Variants in KCNH4 observed in about 807,000 individuals in gnomAD.
KCNH4 encodes the protein voltage-gated delayed rectifier potassium channel KCNH4.
KCNH4 carries 33 observed loss-of-function variants against 90.7 expected under a neutral mutation model. The ratio of observed to expected loss-of-function variants is 0.36; its 90% confidence interval spans 0.28 to 0.49. KCNH4 has a LOEUF of 0.49. Among genes scored for constraint, KCNH4 ranks in the 20% least tolerant of loss-of-function variants. The pLI is 0.98. For synonymous variants in KCNH4, 551 were observed against 581.7 expected, an observed-to-expected ratio of 0.95 and a Z score of 0.76; for missense variants, 1,044 against 1,387.1, an observed-to-expected ratio of 0.75 and a Z score of 3.93.
Position 42,169,661 on chromosome 17 carries a change from ACAGCGTGCATCAGGGCTGCAGCAGCAG to A in KCNH4, c.1391-12_1405del, listed in dbSNP as rs1568035025. 1.2e-6 allele frequency: 2 copies of A among 1,613,786 alleles called. No individual in the cohort carries two copies. Among genetic ancestry groups the A allele is most frequent in the Non-Finnish European group, 1.7e-6 (2 of 1,179,952 alleles). ...GATGGCTGTCACGTTCCCGAACACCACAGCGTGCATCAGGGCTGCAGCAGCAGCAGCGGGCCTGTCAGGGGCGGCCAC... is the reference window on the plus strand; with the variant it reads ...GATGGCTGTCACGTTCCCGAACACCACAGCGGGCCTGTCAGGGGCGGCCAC... On this transcript the variant is annotated splice_acceptor_variant and splice_polypyrimidine_tract_variant and coding_sequence_variant and intron_variant, in exon 9 of 17. Coordinates refer to ENST00000264661, the MANE Select transcript of KCNH4 (RefSeq NM_012285.3). LOFTEE classifies it high-confidence loss of function.
intron 2 of KCNH4, 119 bp downstream of exon 2, chr17:42,178,674 C>A: frequency 2.7e-6 from 3 of 1,132,004 alleles, no homozygotes; most frequent in African/African-American, 1.5e-5. Flanking sequence ...GGGATACGCT[C>A]CGTCACAGTC....
At chr17:42,160,745 C>A (rs1170278392) in intron 15 of KCNH4, among the ~76,000 whole-genome samples, 1 of 152,178 alleles carries the variant, frequency 6.6e-6, no homozygotes, top group Non-Finnish European at 1.5e-5. Context: ...CTCAGCTGAT[C>A]CCATCACACA....
chr17:42,176,377 G>T, intron 4 of KCNH4, 80 bp from the exon 5 acceptor site: 1 of 1,372,818 alleles, frequency 7.3e-7, no homozygotes, highest in Non-Finnish European at 1.0e-6. Flanking sequence ...CAGGGGATGG[G>T]GAAAGTTAGC....
At position 42,180,491 on chromosome 17, in the gene KCNH4, G is replaced by A. The variant is rs1174731776; in HGVS notation, c.76+379C>T. On this transcript the variant is annotated intron_variant, in intron 1 of 16. Coordinates refer to ENST00000264661, the MANE Select transcript of KCNH4 (RefSeq NM_012285.3). This position sits in a 1 kb window ranked among gnomAD's most constrained non-coding sequence, Gnocchi z 4.7. ...TTTTCTGGAGGTAGTGGGAGCTGGA[G>A]TCTGTGAGTAGACCCCAGAATGCCC... Among the ~76,000 whole-genome samples, 3 of 152,062 alleles carry A rather than the reference G, an allele frequency of 2.0e-5. No individual in the cohort carries two copies. Among genetic ancestry groups the A allele is most frequent in the Non-Finnish European group, 4.4e-5 (3 of 68,018 alleles).
At chr17:42,165,266 T>C (rs1348419448) in intron 11 of KCNH4, among the ~76,000 whole-genome samples, 183 bp downstream of exon 11, 1 of 151,998 alleles carries the variant, frequency 6.6e-6, no homozygotes, top group Admixed American at 6.5e-5. Flanking sequence ...GCCTGGGTGA[T>C]GGCCAGTGTA....
intron 6 of KCNH4, among the ~76,000 whole-genome samples, chr17:42,175,371 A>G (rs539118297): frequency 2.0e-5 from 3 of 152,354 alleles, no homozygotes; most frequent in South Asian, 2.1e-4. Flanking sequence ...CTTCCCTCAA[A>G]GATTGTGAGC....
rs952713260 is a variant in KCNH4, at chr17:42,180,473, G to T, written c.76+397C>A. ...TCTGATCTTTTCTCCTTTTTTTCTG[G>T]AGGTAGTGGGAGCTGGAGTCTGTGA... On this transcript the variant is annotated intron_variant, in intron 1 of 16. Coordinates refer to ENST00000264661, the MANE Select transcript of KCNH4 (RefSeq NM_012285.3). The surrounding 1 kb of genome is among the most constrained non-coding windows in gnomAD (Gnocchi z 4.7). 4.6e-5 allele frequency among the ~76,000 whole-genome samples: 7 copies of T among 151,956 alleles called. No homozygotes were observed. The highest frequency in any genetic ancestry group is 1.7e-4 in the African/African-American group (7 of 41,364).
At position 42,162,299 on chromosome 17, in the gene KCNH4, C is replaced by T; in HGVS notation, c.2607G>A (p.Leu869=). ...PPTGTRPSPE[L]ASEAEEVKEK... The stretch of plus-strand genomic sequence containing the variant: ...CCTTCACCTCCTCAGCCTCACTGGC[C>T]AATTCTGGGCTGGGCCTGGTCCCTG... Residue 869 remains leucine, a synonymous_variant, in exon 15 of 17, where the codon TTG becomes TTA. Coordinates refer to ENST00000264661, the MANE Select transcript of KCNH4 (RefSeq NM_012285.3). 1 of 1,613,970 alleles carries T rather than the reference C, an allele frequency of 6.2e-7. No homozygotes were observed. Among genetic ancestry groups the T allele is most frequent in the Non-Finnish European group, 8.5e-7 (1 of 1,179,950 alleles).
chr17:42,170,082 T>C (rs931749851), intron 8 of KCNH4, 25 bp downstream of exon 8: 3 of 1,566,888 alleles, frequency 1.9e-6, no homozygotes, highest in African/African-American at 2.7e-5. Flanking sequence ...AGGGCCCCAC[T>C]GAGGCGTGGC....
Position 42,170,186 on chromosome 17 carries a change from G to A in KCNH4, c.1311C>T (p.Leu437=), listed in dbSNP as rs1298411010. ...ACACGTTGCCAAAGCCCACACTGGT[G>A]AGGCTGCTTAGAGTGAAGTACAGTG... ...IAALYFTLSS[L]TSVGFGNVCA... Residue 437 remains leucine, a synonymous_variant, in exon 8 of 17, where the codon CTC becomes CTT. Transcript: ENST00000264661. The A allele has an allele frequency of 2.5e-6, 4 of 1,613,676 alleles. No individual in the cohort carries two copies. In the South Asian group the frequency reaches 4.4e-5, roughly 18 times the overall value.
intron 11 of KCNH4, 104 bp from the exon 12 acceptor site, chr17:42,164,272 G>T: frequency 9.8e-7 from 1 of 1,016,622 alleles, no homozygotes; most frequent in Non-Finnish European, 1.4e-6. Flanking sequence ...AGAATGTGGA[G>T]TCTTTTGTGG....
intron 6 of KCNH4, among the ~76,000 whole-genome samples, chr17:42,173,852 C>T (rs904994620): frequency 6.6e-6 from 1 of 151,800 alleles, no homozygotes; most frequent in Admixed American, 6.6e-5. Context: ...AGGCACCTGC[C>T]ACCACGCCTG....
intron 6 of KCNH4, among the ~76,000 whole-genome samples, chr17:42,173,993 G>A (rs763596682): frequency 1.3e-5 from 2 of 151,322 alleles, no homozygotes; most frequent in Admixed American, 6.6e-5. Context: ...GATCCACTGC[G>A]CCCGGCCAAG....
At position 42,159,980 on chromosome 17, in the gene KCNH4, T is replaced by C; in HGVS notation, c.*60A>G. 1 of 1,357,242 alleles carries C rather than the reference T, an allele frequency of 7.4e-7. No individual in the cohort carries two copies. The highest frequency in any genetic ancestry group is 9.8e-7 in the Non-Finnish European group (1 of 1,025,428). The allele number at this position is 1,357,242 out of a possible 1,614,324, so 84.1% of individuals were successfully genotyped here. A position where few individuals can be genotyped will look rare whatever the true frequency, so the allele number is the denominator to read the frequency against. The stretch of plus-strand genomic sequence containing the variant: ...AAGGCAGGAAGCCAAGGGGCCCAGG[T>C]CCTCCCTGAGTGGTGAGCGGCAGCG... On this transcript the variant is annotated 3_prime_UTR_variant, in exon 16 of 17. Transcript: ENST00000264661.
intron 15 of KCNH4, among the ~76,000 whole-genome samples, chr17:42,161,037 C>T (rs749250946): frequency 5.4e-5 from 8 of 147,364 alleles, no homozygotes; most frequent in Non-Finnish European, 1.0e-4. Context: ...CGAGATTCTC[C>T]TGCCTCAGCC....
intron 10 of KCNH4, 37 bp downstream of exon 10, chr17:42,166,260 T>C (rs1345968748): frequency 1.3e-6 from 2 of 1,556,606 alleles, no homozygotes; most frequent in Admixed American, 3.8e-5. Flanking sequence ...CGGGGGGTGG[T>C]TCCAGGGTAG....
At chr17:42,172,205 C>CTTT (rs889295948) in intron 6 of KCNH4, among the ~76,000 whole-genome samples, 1 of 142,362 alleles carries the variant, frequency 7.0e-6, no homozygotes, top group Non-Finnish European at 1.6e-5. Context: ...TTTGTAATTA[C>CTTT]TTTTTTTTTT....
chr17:42,169,783 C>T, intron 8 of KCNH4, 107 bp from the exon 9 acceptor site: 1 of 1,154,154 alleles, frequency 8.7e-7, no homozygotes, highest in Non-Finnish European at 1.3e-6. Context: ...CTCCTGTGTG[C>T]CTACCAGGTG....
chr17:42,163,660 G>C lies in KCNH4; in HGVS notation c.2423C>G (p.Pro808Arg), dbSNP rs767985736. Reference sequence around the variant, plus strand: ...TCCCAGTGGGGGAATGAGAAGCTGAGGGGGCTTCCAGGCAGCAGAGCACCT... The same window carrying C: ...TCCCAGTGGGGGAATGAGAAGCTGACGGGGCTTCCAGGCAGCAGAGCACCT... ...PPRCSAAWKP[P>R]QLLIPPLGTF... The change falls in exon 13 of 17, where the codon CCT becomes CGT. Residue 808 changes from proline (P) to arginine (R), a missense_variant. Pro to Arg is a moderately radical substitution (Grantham distance 103). This residue lies in a region of KCNH4 where 441 missense variants were observed against 512.3 expected (regional missense o/e 0.86). Coordinates refer to ENST00000264661, the MANE Select transcript of KCNH4 (RefSeq NM_012285.3). This position sits in a 1 kb window ranked among gnomAD's most constrained non-coding sequence, Gnocchi z 5.4. 1.3e-6 allele frequency: 2 copies of C among 1,508,344 alleles called. No homozygotes were observed. Among genetic ancestry groups the C allele is most frequent in the Non-Finnish European group, 1.8e-6 (2 of 1,128,502 alleles). The allele number at this position is 1,508,344 out of a possible 1,614,324, so 93.4% of individuals were successfully genotyped here. A position where few individuals can be genotyped will look rare whatever the true frequency, so the allele number is the denominator to read the frequency against.
Sources: gnomAD v4.1 joint callset for allele counts (sites outside exome capture counted in the v4.1 genomes callset) on GRCh38, gnomAD v4.1.1 for gene constraint, gnomAD v4.1.1 regional missense constraint, Gnocchi (gnomAD v3.1) non-coding constraint, MANE v1.5 for transcripts, NCBI Gene and HGNC (gene_info 2026-07-23, HGNC 2026-07-21) for gene names.